Variants in CA10 observed in about 807,000 individuals in gnomAD.
The protein encoded by CA10 is carbonic anhydrase 10 (inactive).
A neutral mutation model predicts 44.2 loss-of-function variants in CA10; 14 were observed. The ratio of observed to expected loss-of-function variants is 0.32; its 90% confidence interval spans 0.21 to 0.50. The LOEUF is 0.50. Among genes scored for constraint, CA10 ranks in the 20% least tolerant of loss-of-function variants. The pLI, the probability that CA10 is intolerant of heterozygous loss-of-function variation, is 0.99. For missense variants in CA10, 350 were observed against 409.7 expected, an observed-to-expected ratio of 0.85 and a Z score of 1.26; for synonymous variants, 159 against 141.6, an observed-to-expected ratio of 1.12 and a Z score of -0.87.
intron 4 of CA10, among the ~76,000 whole-genome samples, chr17:51,746,386 TCA>T (rs1382534667): frequency 6.6e-6 from 1 of 152,226 alleles, no homozygotes; most frequent in Non-Finnish European, 1.5e-5. Context: ...CATCCCAAGA[TCA>T]CACAGTGTGT....
At chr17:51,874,320 C>A (rs1174891483) in intron 3 of CA10, among the ~76,000 whole-genome samples, 1 of 151,472 alleles carries the variant, frequency 6.6e-6, no homozygotes, top group Non-Finnish European at 1.5e-5. Flanking sequence ...TTTTGTCCAA[C>A]CCCTAATATC....
At chr17:51,813,300 G>A (rs778204053) in intron 3 of CA10, among the ~76,000 whole-genome samples, 1 of 152,176 alleles carries the variant, frequency 6.6e-6, no homozygotes, top group African/African-American at 2.4e-5. Flanking sequence ...ATATCAGAAC[G>A]TGGAGCTTCA....
intron 2 of CA10, among the ~76,000 whole-genome samples, chr17:52,001,607 C>T (rs951020735): frequency 5.9e-5 from 9 of 151,618 alleles, no homozygotes; most frequent in African/African-American, 2.2e-4. Flanking sequence ...TGTCATGCCA[C>T]GTAATCTCTT....
At position 52,077,640 on chromosome 17, in the gene CA10, CAA is replaced by C. The variant is rs112746158; in HGVS notation, c.62-5249_62-5248del. 9.9e-4 allele frequency among the ~76,000 whole-genome samples: 84 copies of C among 84,930 alleles called. 1 individual carries two copies. The highest frequency in any genetic ancestry group is 2.1e-3 in the Admixed American group (16 of 7,606). The allele number at this position is 84,930 out of a possible 152,430, so 55.7% of individuals were successfully genotyped here. On this transcript the variant is annotated intron_variant, in intron 1 of 8. Transcript: ENST00000451037. ...AAATGTTCAGAAGTGAGCTACTTTA[CAA>C]AAAAAAAAAAAAAATCAGAATGTTG...
At chr17:51,862,561 C>T (rs1979359173) in intron 3 of CA10, among the ~76,000 whole-genome samples, 1 of 152,036 alleles carries the variant, frequency 6.6e-6, no homozygotes, top group Non-Finnish European at 1.5e-5. Context: ...AATACAGTGC[C>T]ATAATCATGT....
intron 1 of CA10, among the ~76,000 whole-genome samples, chr17:52,076,889 T>C (rs1200578745): frequency 1.3e-5 from 2 of 152,216 alleles, no homozygotes; most frequent in Non-Finnish European, 2.9e-5. Context: ...CCTGAGCTTT[T>C]ACAGCATTCT....
intron 1 of CA10, among the ~76,000 whole-genome samples, chr17:52,155,539 A>G (rs1320708686): frequency 6.6e-6 from 1 of 152,228 alleles, no homozygotes; most frequent in Non-Finnish European, 1.5e-5. Context: ...TAATTCTCAC[A>G]TACATGGGCA....
At chr17:51,944,497 A>G (rs147226073) in intron 2 of CA10, among the ~76,000 whole-genome samples, 177 of 152,318 alleles carry the variant, frequency 1.2e-3, no homozygotes, top group Non-Finnish European at 2.2e-3. Flanking sequence ...AGACATTAAC[A>G]AGAACATAAT....
intron 3 of CA10, chr17:51,761,705 C>T (rs1905221007): frequency 6.6e-6 from 1 of 152,056 alleles, no homozygotes. Flanking sequence ...CATTGCTGTC[C>T]AGTTTTCAAG....
chr17:51,870,364 TAA>T (rs1188733190), intron 3 of CA10, among the ~76,000 whole-genome samples: 1 of 152,244 alleles, frequency 6.6e-6, no homozygotes, highest in Non-Finnish European at 1.5e-5. Flanking sequence ...GATCACACTC[TAA>T]AGTGACTTGA....
At chr17:52,120,781 A>G (rs2143315403) in intron 1 of CA10, among the ~76,000 whole-genome samples, 1 of 152,254 alleles carries the variant, frequency 6.6e-6, no homozygotes, top group Middle Eastern at 3.4e-3. Flanking sequence ...CATGTGTGGT[A>G]GCCTGGTATT....
At chr17:51,837,363 G>T (rs146846209) in intron 3 of CA10, among the ~76,000 whole-genome samples, 4 of 152,234 alleles carry the variant, frequency 2.6e-5, no homozygotes, top group African/African-American at 9.6e-5. Context: ...ATGACGTGAG[G>T]GCTGACATTT....
At chr17:51,837,113 T>G (rs1464517439) in intron 3 of CA10, among the ~76,000 whole-genome samples, 2 of 148,012 alleles carry the variant, frequency 1.4e-5, no homozygotes, top group Non-Finnish European at 3.0e-5. Flanking sequence ...CAAACACACA[T>G]GCACACACAT....
intron 3 of CA10, among the ~76,000 whole-genome samples, chr17:51,894,945 CA>C (rs1981007441): frequency 6.6e-6 from 1 of 152,016 alleles, no homozygotes; most frequent in East Asian, 1.9e-4. Context: ...AAGAAAAGGC[CA>C]ACTGAGTCCC....
rs963384535 is a variant in CA10 at position 51,631,378 on chromosome 17, TTGTG to T, written c.*202_*205del. On this transcript the variant is annotated 3_prime_UTR_variant, in exon 9 of 9. Transcript: ENST00000451037. ...TGTGTTTGTATGTATGTGCAAGTGC[TTGTG>T]TGTGTGTTTGTGAGTATGTGTGAGA... is the stretch of plus-strand genomic sequence containing the variant. 10 of 640,168 alleles carry T rather than the reference TTGTG, an allele frequency of 1.6e-5. No individual in the cohort carries two copies. The highest frequency in any genetic ancestry group is 5.2e-5 in the East Asian group (2 of 38,624). The allele number at this position is 640,168 out of a possible 1,614,324, so 39.7% of individuals were successfully genotyped here.
intron 3 of CA10, among the ~76,000 whole-genome samples, chr17:51,825,825 G>A (rs1266644552): frequency 6.6e-6 from 1 of 152,198 alleles, no homozygotes. Context: ...TTGCACAACA[G>A]GCAGTATAGA....
At chr17:51,910,628 G>T (rs1981753544) in intron 3 of CA10, among the ~76,000 whole-genome samples, 1 of 152,106 alleles carries the variant, frequency 6.6e-6, no homozygotes, top group Non-Finnish European at 1.5e-5. Flanking sequence ...GGTTCTGAAG[G>T]CCTTGACACT....
intron 1 of CA10, among the ~76,000 whole-genome samples, chr17:52,113,845 A>G (rs1988836382): frequency 6.6e-6 from 1 of 152,238 alleles, no homozygotes; most frequent in South Asian, 2.1e-4. Context: ...TGTGTTAATC[A>G]GTCGCTGAAC....
At chr17:51,943,360 G>T (rs1190574909) in intron 2 of CA10, among the ~76,000 whole-genome samples, 1 of 152,196 alleles carries the variant, frequency 6.6e-6, no homozygotes, top group Non-Finnish European at 1.5e-5. Context: ...CAGGAACTCT[G>T]ATATGGCACA....
Sources: allele counts gnomAD v4.1 joint callset (sites outside exome capture counted in the v4.1 genomes callset), GRCh38; gene constraint gnomAD v4.1.1; transcripts MANE v1.5; gene names NCBI Gene and HGNC (gene_info 2026-07-23, HGNC 2026-07-21).